The following MGAT5 variants were observed in gnomAD, a reference collection of about 807,000 sequenced individuals.
MGAT5 encodes the protein alpha-1,6-mannosylglycoprotein 6-beta-N-acetylglucosaminyltransferase A.
Under a neutral mutation model 94.3 loss-of-function variants are expected in MGAT5, and 30 were observed. The ratio of observed to expected loss-of-function variants is 0.32; its 90% confidence interval spans 0.24 to 0.43. MGAT5 has a LOEUF of 0.43. Ranked by LOEUF, MGAT5 falls within the 20% of genes least tolerant of loss-of-function variation. MGAT5 has a pLI of 1.00. For missense variants in MGAT5, 691 were observed against 905.5 expected, an observed-to-expected ratio of 0.76 and a Z score of 3.04; for synonymous variants, 310 against 322.9, an observed-to-expected ratio of 0.96 and a Z score of 0.43.
At chr2:134,219,108 G>A (rs1680631752) in intron 1 of MGAT5, among the ~76,000 whole-genome samples, 1 of 152,148 alleles carries the variant, frequency 6.6e-6, no homozygotes, top group Non-Finnish European at 1.5e-5. Context: ...TGTGAGTGCG[G>A]TGGAGTGGGC....
intron 10 of MGAT5, among the ~76,000 whole-genome samples, chr2:134,386,085 G>A (rs1418488295): frequency 6.6e-6 from 1 of 152,158 alleles, no homozygotes; most frequent in Non-Finnish European, 1.5e-5. Context: ...TCTCAAAAAG[G>A]TGTCAGGGTA....
At chr2:134,125,333 T>G (rs1685792854) in intron 1 of MGAT5, among the ~76,000 whole-genome samples, 1 of 152,244 alleles carries the variant, frequency 6.6e-6, no homozygotes, top group Non-Finnish European at 1.5e-5. Context: ...GAGCAAGGAT[T>G]TGAAGCCAGG....
chr2:134,378,221 T>C (rs984274674), intron 10 of MGAT5, among the ~76,000 whole-genome samples: 13 of 152,320 alleles, frequency 8.5e-5, no homozygotes, highest in African/African-American at 2.6e-4. Context: ...GGGAAACTTC[T>C]TCTACAGCAT....
At chr2:134,169,407 CACACAG>C (rs759047126) in intron 1 of MGAT5, among the ~76,000 whole-genome samples, 22 of 123,124 alleles carry the variant, frequency 1.8e-4, no homozygotes, top group Admixed American at 6.8e-4. Context: ...CACACACACA[CACACAG>C]ACACACACAC....
intron 10 of MGAT5, among the ~76,000 whole-genome samples, chr2:134,394,168 A>C (rs1041069782): frequency 6.6e-6 from 1 of 152,192 alleles, no homozygotes; most frequent in Non-Finnish European, 1.5e-5. Context: ...GGAGCTGCCA[A>C]ATGTGATTTT....
At chr2:134,136,879 T>C (rs1672408597) in intron 1 of MGAT5, among the ~76,000 whole-genome samples, 1 of 152,156 alleles carries the variant, frequency 6.6e-6, no homozygotes, top group Non-Finnish European at 1.5e-5. Context: ...TCTCCAACTT[T>C]TTATCTTAGA....
intron 2 of MGAT5, among the ~76,000 whole-genome samples, chr2:134,273,770 T>A (rs1684178834): frequency 6.6e-6 from 1 of 152,080 alleles, no homozygotes; most frequent in Non-Finnish European, 1.5e-5. Flanking sequence ...CCTAGGGAAA[T>A]TTAGGTGGAA....
intron 10 of MGAT5, among the ~76,000 whole-genome samples, chr2:134,391,947 T>C (rs1051005544): frequency 6.6e-6 from 1 of 152,198 alleles, no homozygotes; most frequent in South Asian, 2.1e-4. Flanking sequence ...CAAAGGGCAA[T>C]GTCAAAGTTT....
At chr2:134,177,099 A>G (rs1208550803) in intron 1 of MGAT5, among the ~76,000 whole-genome samples, 2 of 139,926 alleles carry the variant, frequency 1.4e-5, no homozygotes, top group African/African-American at 2.8e-5. Context: ...CACTCATTTG[A>G]AAGGCACGTG....
At chr2:134,351,236 G>C (rs774812281) in intron 9 of MGAT5, among the ~76,000 whole-genome samples, 56 of 152,108 alleles carry the variant, frequency 3.7e-4, no homozygotes, top group Non-Finnish European at 6.9e-4. Context: ...TTGATTTTTG[G>C]CACGTTAGAT....
intron 4 of MGAT5, 152 bp downstream of exon 4, chr2:134,318,891 AATG>A: frequency 4.0e-6 from 2 of 505,932 alleles, no homozygotes; most frequent in Non-Finnish European, 7.1e-6. Flanking sequence ...CCTCTCCAGG[AATG>A]ATGTTTTTCT....
intron 2 of MGAT5, among the ~76,000 whole-genome samples, chr2:134,275,434 A>C (rs1470915061): frequency 1.3e-5 from 2 of 152,178 alleles, no homozygotes; most frequent in Non-Finnish European, 2.9e-5. Flanking sequence ...ATTTAGAAGA[A>C]GAAAGACAGT....
upstream of MGAT5, chr2:134,252,975 A>G (rs918504311): frequency 1.1e-4 from 16 of 152,238 alleles, no homozygotes; most frequent in Non-Finnish European, 1.8e-4. Context: ...AGACGATAAT[A>G]TTCATACTTC....
At chr2:134,264,991 T>C (rs1210060570) in intron 1 of MGAT5, among the ~76,000 whole-genome samples, 1 of 152,226 alleles carries the variant, frequency 6.6e-6, no homozygotes, top group Non-Finnish European at 1.5e-5. Flanking sequence ...ACCTTCACAG[T>C]AGATCTCAAC....
At chr2:134,145,214 CTGTGTGTGTGTGTG>C (rs59065013) in intron 1 of MGAT5, among the ~76,000 whole-genome samples, 25 of 143,870 alleles carry the variant, frequency 1.7e-4, no homozygotes, top group Middle Eastern at 3.6e-3. Context: ...GTCTCTCTCT[CTGTGTGTGTGTGTG>C]TGTGTGTGTG....
At chr2:134,344,808 A>T in intron 7 of MGAT5, 122 bp from the exon 8 acceptor site, 1 of 1,130,114 alleles carries the variant, frequency 8.8e-7, no homozygotes, top group Non-Finnish European at 1.3e-6. Flanking sequence ...TGAAAGGGCC[A>T]TGCTGTCATC....
intron 7 of MGAT5, 76 bp from the exon 8 acceptor site, chr2:134,344,854 A>G: frequency 6.4e-7 from 1 of 1,555,764 alleles, no homozygotes; most frequent in Non-Finnish European, 8.7e-7. Context: ...TTTGCCCATT[A>G]AAGTTGCCAA....
At chr2:134,225,138 G>A (rs1411328831) in intron 1 of MGAT5, among the ~76,000 whole-genome samples, 1 of 151,040 alleles carries the variant, frequency 6.6e-6, no homozygotes, top group Non-Finnish European at 1.5e-5. Context: ...CCAATCTCAA[G>A]GCACCGCATC....
At chr2:134,225,877 A>G (rs1681035933) in intron 1 of MGAT5, among the ~76,000 whole-genome samples, 1 of 152,244 alleles carries the variant, frequency 6.6e-6, no homozygotes, top group Admixed American at 6.5e-5. Context: ...GTGTACTAGG[A>G]TAGATGGACA....
Sources: allele counts gnomAD v4.1 joint callset (sites outside exome capture counted in the v4.1 genomes callset), GRCh38; gene constraint gnomAD v4.1.1; transcripts MANE v1.5; gene names NCBI Gene and HGNC (gene_info 2026-07-23, HGNC 2026-07-21).